Variants in HTR1F observed in about 807,000 individuals in gnomAD.
HTR1F encodes the protein 5-hydroxytryptamine (serotonin) receptor 1F, G protein-coupled.
HTR1F carries 17 observed loss-of-function variants against 24.0 expected under a neutral mutation model. The observed-to-expected ratio is 0.71, with a 90% CI of 0.48 to 1.06. HTR1F has a LOEUF of 1.06. HTR1F is among the 50% of genes least tolerant of loss of function. The probability of loss-of-function intolerance (pLI) is 0.00; values close to 1 mark genes in which losing one functional copy is unlikely to be tolerated. For missense variants in HTR1F, 391 were observed against 427.8 expected (o/e 0.91, Z 0.76); for synonymous variants, 186 against 156.8 (o/e 1.19, Z -1.39).
intron 2 of HTR1F, among the ~76,000 whole-genome samples, chr3:87,947,622 C>A (rs1168702521): frequency 6.6e-6 from 1 of 151,960 alleles, no homozygotes; most frequent in East Asian, 1.9e-4. Context: ...ATACTCGACC[C>A]CAAAAGGCCA....
intron 2 of HTR1F, among the ~76,000 whole-genome samples, chr3:87,843,862 A>AT (rs1704871578): frequency 6.6e-6 from 1 of 151,812 alleles, no homozygotes; most frequent in East Asian, 1.9e-4. Flanking sequence ...TGAACGCATC[A>AT]TTTTTTATGG....
At position 87,884,330 on chromosome 3, in the gene HTR1F, A is replaced by G. The variant is rs1705884151; in HGVS notation, c.-43+62206A>G. Among the ~76,000 whole-genome samples the G allele has an allele frequency of 2.0e-5, 3 of 152,344 alleles. No individual in the cohort carries two copies. The South Asian group carries it at 6.2e-4, about 32-fold the overall frequency. ...TCACCACCCGATTTTGTCCTGCCTTACAAGAGCTGCTGAAGGAAGCACTAA... is the reference window on the plus strand; with the variant it reads ...TCACCACCCGATTTTGTCCTGCCTTGCAAGAGCTGCTGAAGGAAGCACTAA... On this transcript the variant is annotated intron_variant, in intron 2 of 2. Transcript: ENST00000319595.
intron 2 of HTR1F, among the ~76,000 whole-genome samples, chr3:87,987,531 T>C (rs972419479): frequency 4.0e-5 from 6 of 149,958 alleles, no homozygotes; most frequent in South Asian, 2.1e-4. Context: ...CTGAAAAGAA[T>C]AGAAACAATA....
intron 2 of HTR1F, among the ~76,000 whole-genome samples, chr3:87,863,257 G>A (rs566166354): frequency 1.2e-4 from 19 of 152,290 alleles, no homozygotes; most frequent in African/African-American, 4.6e-4. Flanking sequence ...TGTTTCCAGA[G>A]CACGTTTTCC....
At chr3:87,983,710 C>G (rs1014232077) in intron 2 of HTR1F, among the ~76,000 whole-genome samples, 1 of 152,148 alleles carries the variant, frequency 6.6e-6, no homozygotes, top group African/African-American at 2.4e-5. Context: ...CTGATCCAAT[C>G]CTGAATAAAT....
intron 1 of HTR1F, among the ~76,000 whole-genome samples, chr3:87,803,020 A>G (rs1284042072): frequency 6.6e-6 from 1 of 152,108 alleles, no homozygotes; most frequent in Non-Finnish European, 1.5e-5. Flanking sequence ...AATAAAAGCA[A>G]TGGAGCTGTC....
chr3:87,974,275 C>A (rs1256623980), intron 2 of HTR1F, among the ~76,000 whole-genome samples: 1 of 152,190 alleles, frequency 6.6e-6, no homozygotes, highest in Non-Finnish European at 1.5e-5. Context: ...TCAGCTTCTG[C>A]TGATATCTCA....
At chr3:87,800,733 A>AT (rs1383454425) in intron 1 of HTR1F, among the ~76,000 whole-genome samples, 1 of 152,216 alleles carries the variant, frequency 6.6e-6, no homozygotes, top group African/African-American at 2.4e-5. Context: ...AAGCCATGTT[A>AT]TGTAATACTT....
At chr3:87,978,305 A>G (rs1367934671) in intron 2 of HTR1F, among the ~76,000 whole-genome samples, 1 of 152,058 alleles carries the variant, frequency 6.6e-6, no homozygotes, top group Non-Finnish European at 1.5e-5. Context: ...CCTTCTCATC[A>G]CCCACAACTT....
At chr3:87,926,623 T>C (rs1018949041) in intron 2 of HTR1F, among the ~76,000 whole-genome samples, 4 of 152,248 alleles carry the variant, frequency 2.6e-5, no homozygotes, top group Admixed American at 6.5e-5. Flanking sequence ...TCTCTTTTAG[T>C]CCGTGGGAAA....
chr3:87,924,354 T>C (rs1704076912), intron 2 of HTR1F, among the ~76,000 whole-genome samples: 1 of 152,138 alleles, frequency 6.6e-6, no homozygotes, highest in African/African-American at 2.4e-5. Flanking sequence ...TAATTATTTT[T>C]AGTTTGTTTT....
At chr3:87,901,028 T>C (rs1199299603) in intron 2 of HTR1F, among the ~76,000 whole-genome samples, 8 of 152,126 alleles carry the variant, frequency 5.3e-5, no homozygotes, top group African/African-American at 1.7e-4. Context: ...GGGTCTAGGA[T>C]AGACACTCCA....
In HTR1F at chr3:87,927,211, T is replaced by A. The variant is rs553968133; in HGVS notation, c.-42-63497T>A. Among the ~76,000 whole-genome samples the A allele has an allele frequency of 1.4e-4, 21 of 152,212 alleles. No individual in the cohort carries two copies. The East Asian group carries it at 3.5e-3, about 25-fold the overall frequency. On this transcript the variant is annotated intron_variant, in intron 2 of 2. Transcript: ENST00000319595. ...CTGCAAAAGATGTAGTTACAATAAG[T>A]GCCTGAAAAATAGCTGATGGGTTAA...
At chr3:87,845,819 A>G (rs1383793727) in intron 2 of HTR1F, among the ~76,000 whole-genome samples, 2 of 152,038 alleles carry the variant, frequency 1.3e-5, no homozygotes, top group Non-Finnish European at 2.9e-5. Flanking sequence ...TCAAGTTGTC[A>G]TTATTTGAGT....
intron 2 of HTR1F, among the ~76,000 whole-genome samples, chr3:87,912,670 T>C (rs984650438): frequency 2.2e-5 from 3 of 133,972 alleles, no homozygotes; most frequent in Non-Finnish European, 3.1e-5. Flanking sequence ...GGAAGCATCA[T>C]GCCACTAAAC....
At chr3:87,941,042 C>A (rs1395363716) in intron 2 of HTR1F, among the ~76,000 whole-genome samples, 1 of 152,180 alleles carries the variant, frequency 6.6e-6, no homozygotes. Context: ...GTCCTTTGGA[C>A]CTGTGTAAGG....
At chr3:87,839,895 A>G (rs1704763792) in intron 2 of HTR1F, among the ~76,000 whole-genome samples, 1 of 152,150 alleles carries the variant, frequency 6.6e-6, no homozygotes, top group Non-Finnish European at 1.5e-5. Context: ...GCTTAGGATA[A>G]TGGTTTCCAG....
intron 2 of HTR1F, among the ~76,000 whole-genome samples, chr3:87,937,962 A>C (rs1268843639): frequency 2.0e-5 from 3 of 152,014 alleles, no homozygotes; most frequent in Non-Finnish European, 2.9e-5. Context: ...AAAGAAAGAA[A>C]TAGAAGGCAT....
intron 2 of HTR1F, among the ~76,000 whole-genome samples, chr3:87,851,350 A>G (rs768293570): frequency 9.2e-5 from 14 of 151,576 alleles, no homozygotes. Flanking sequence ...CTGAAATGGA[A>G]GCAAGTCATG....
Sources: allele counts gnomAD v4.1 joint callset (sites outside exome capture counted in the v4.1 genomes callset), GRCh38; gene constraint gnomAD v4.1.1; transcripts MANE v1.5; gene names NCBI Gene and HGNC (gene_info 2026-07-23, HGNC 2026-07-21).